RPS6KA3: variants seen among roughly 807,000 people sequenced by gnomAD.
RPS6KA3 encodes ribosomal protein S6 kinase alpha-3.
RPS6KA3 carries 4 observed loss-of-function variants against 67.2 expected under a neutral mutation model. The ratio of observed to expected loss-of-function variants is 0.06; its 90% confidence interval spans 0.03 to 0.14. RPS6KA3 has a LOEUF of 0.14. Among genes scored for constraint, RPS6KA3 ranks in the 10% least tolerant of loss-of-function variants. The pLI is 1.00. For missense variants in RPS6KA3, 204 were observed against 559.0 expected, an observed-to-expected ratio of 0.36 and a Z score of 6.40; for synonymous variants, 182 against 183.7, an observed-to-expected ratio of 0.99 and a Z score of 0.07.
intron 7 of RPS6KA3, among the ~76,000 whole-genome samples, chrX:20,192,175 TACTC>T (rs768117996): frequency 1.1e-3 from 126 of 111,980 alleles, no homozygotes; most frequent in Non-Finnish European, 2.0e-3. Context: ...AAAACTTTCT[TACTC>T]AGTGGTAGAT....
chrX:20,177,243 C>T (rs887342315), intron 10 of RPS6KA3, among the ~76,000 whole-genome samples, 159 bp from the exon 11 acceptor site: 1 of 112,125 alleles, frequency 8.9e-6, no homozygotes, highest in African/African-American at 3.2e-5. Flanking sequence ...CAGTTTCCCC[C>T]AATGGTAACA....
intron 20 of RPS6KA3, among the ~76,000 whole-genome samples, chrX:20,160,713 G>A (rs925648367): frequency 2.7e-5 from 3 of 112,003 alleles, no homozygotes; most frequent in Admixed American, 1.9e-4. Context: ...ACAGGTGTGA[G>A]CCACCACGCC....
intron 17 of RPS6KA3, among the ~76,000 whole-genome samples, chrX:20,166,713 CTTTTTTTTTT>C (rs774405280): frequency 3.7e-5 from 3 of 81,412 alleles, no homozygotes; most frequent in African/African-American, 1.0e-4. Context: ...GACTTCCCTT[CTTTTTTTTTT>C]TTTTTTTTTT....
intron 4 of RPS6KA3, among the ~76,000 whole-genome samples, chrX:20,203,029 C>A (rs2068479321): frequency 9.0e-6 from 1 of 111,559 alleles, no homozygotes; most frequent in African/African-American, 3.3e-5. Context: ...AGTGAAATTT[C>A]TTGGGATGTC....
intron 4 of RPS6KA3, among the ~76,000 whole-genome samples, chrX:20,200,608 AATTTT>A (rs939448869): frequency 8.9e-6 from 1 of 111,886 alleles, no homozygotes; most frequent in African/African-American, 3.2e-5. Flanking sequence ...TCATTTTTGT[AATTTT>A]ATTTAAGATA....
At position 20,204,398 on chromosome X, in the gene RPS6KA3, G is replaced by GA. The variant is rs762882867; in HGVS notation, c.244-296dup. 1.5e-3 allele frequency among the ~76,000 whole-genome samples: 166 copies of GA among 111,940 alleles called. 1 individual carries two copies. Among genetic ancestry groups the GA allele is most frequent in the African/African-American group, 4.9e-3 (152 of 30,874 alleles). The stretch of plus-strand genomic sequence containing the variant: ...AAACTACATATGTATGAATTAGATG[G>GA]AAAAAATCCCAAAATGTTTAAAGTA... On this transcript the variant is annotated intron_variant, in intron 3 of 21. Transcript: ENST00000379565.
intron 1 of RPS6KA3, among the ~76,000 whole-genome samples, chrX:20,239,949 T>C (rs761440375): frequency 9.0e-6 from 1 of 111,561 alleles, no homozygotes; most frequent in Non-Finnish European, 1.9e-5. Context: ...AATGGCATGA[T>C]ACAACAATGT....
chrX:20,163,118 A>G, intron 18 of RPS6KA3, 78 bp from the exon 19 acceptor site: 1 of 669,107 alleles, frequency 1.5e-6, no homozygotes, highest in South Asian at 2.2e-5. Flanking sequence ...TGAATTATAT[A>G]TTCCAAATCA....
chrX:20,179,617 T>C (rs1286815210), intron 10 of RPS6KA3, among the ~76,000 whole-genome samples: 2 of 111,768 alleles, frequency 1.8e-5, no homozygotes, highest in African/African-American at 6.5e-5. Flanking sequence ...CACTGGATAC[T>C]ACCCCCACTA....
At chrX:20,209,449 T>C in intron 2 of RPS6KA3, 45 bp from the exon 3 acceptor site, 1 of 660,670 alleles carries the variant, frequency 1.5e-6, no homozygotes, top group Non-Finnish European at 2.5e-6. Flanking sequence ...TAGCCAGAGC[T>C]ATTTTCTCCC....
intron 2 of RPS6KA3, among the ~76,000 whole-genome samples, chrX:20,212,057 T>C (rs2068730278): frequency 8.9e-6 from 1 of 112,017 alleles, no homozygotes; most frequent in Non-Finnish European, 1.9e-5. Flanking sequence ...ACACATTCCA[T>C]TTTGTAGCAG....
intron 4 of RPS6KA3, among the ~76,000 whole-genome samples, chrX:20,199,897 C>G (rs1391596424): frequency 8.9e-6 from 1 of 111,893 alleles, no homozygotes; most frequent in Non-Finnish European, 1.9e-5. Flanking sequence ...TCTTTCTGAC[C>G]TAGAATTTTA....
intron 14 of RPS6KA3, among the ~76,000 whole-genome samples, chrX:20,174,347 C>CTTTT (rs746491012): frequency 2.2e-5 from 2 of 91,454 alleles, no homozygotes; most frequent in Non-Finnish European, 4.3e-5. Flanking sequence ...ATTCTACTTT[C>CTTTT]TTTTTTTTTT....
At chrX:20,161,571 G>A in intron 20 of RPS6KA3, 73 bp downstream of exon 20, 1 of 446,399 alleles carries the variant, frequency 2.2e-6, no homozygotes, top group Non-Finnish European at 4.0e-6. Flanking sequence ...GTTTCTAACT[G>A]GTAGTATTTC....
chrX:20,220,467 A>C (rs1603429595), intron 2 of RPS6KA3, among the ~76,000 whole-genome samples: 1 of 107,378 alleles, frequency 9.3e-6, no homozygotes, highest in African/African-American at 3.7e-5. Context: ...CAACCGCCTA[A>C]CACAGAATGG....
Position 20,166,265 on chromosome X carries a change from C to A in RPS6KA3, c.1603-1205G>T, listed in dbSNP as rs2067433697. ...CAATCAAATTAGATTTAGTTCCTCA[C>A]ATCCAGGACATCACTTCTCCAGACT... On this transcript the variant is annotated intron_variant, in intron 17 of 21. Transcript: ENST00000379565. Among the ~76,000 whole-genome samples, 3 of 111,912 alleles carry A rather than the reference C, an allele frequency of 2.7e-5. No homozygotes were observed. The Admixed American group carries it at 2.9e-4, about 11-fold the overall frequency.
chrX:20,182,354 A>T (rs939000743), intron 10 of RPS6KA3, among the ~76,000 whole-genome samples: 28 of 112,065 alleles, frequency 2.5e-4, no homozygotes, highest in Admixed American at 6.6e-4. Context: ...TGTGAGATTT[A>T]TCTAAGTTGT....
At chrX:20,267,070 A>T, upstream of RPS6KA3, 5 of 752,854 alleles carry the variant, frequency 6.6e-6, no homozygotes, top group Non-Finnish European at 7.8e-6. Flanking sequence ...GGCCGCCGCC[A>T]CCACCGCCGC....
At chrX:20,238,791 C>CA (rs2069479056) in intron 1 of RPS6KA3, among the ~76,000 whole-genome samples, 1 of 110,764 alleles carries the variant, frequency 9.0e-6, no homozygotes, top group East Asian at 2.8e-4. Context: ...CTTTTTCTAC[C>CA]AAAAAAAGCA....
Sources: gnomAD v4.1 joint callset for allele counts (sites outside exome capture counted in the v4.1 genomes callset) on GRCh38, gnomAD v4.1.1 for gene constraint, MANE v1.5 for transcripts, NCBI Gene and HGNC (gene_info 2026-07-23, HGNC 2026-07-21) for gene names.